The following DGCR2 variants were observed in gnomAD, a reference collection of about 807,000 sequenced individuals.
DGCR2 encodes integral membrane protein DGCR2/IDD.
DGCR2 carries 24 observed loss-of-function variants against 51.6 expected under a neutral mutation model. The ratio of observed to expected loss-of-function variants is 0.47; its 90% CI spans 0.34 to 0.65. The LOEUF (loss-of-function observed/expected upper bound fraction) is 0.65. Ranked by LOEUF, DGCR2 falls within the 30% of genes least tolerant of loss-of-function variation. The pLI is 0.01. For missense variants in DGCR2, 765 were observed against 772.1 expected, an observed-to-expected ratio of 0.99 and a Z score of 0.11; for synonymous variants, 340 against 315.4, an observed-to-expected ratio of 1.08 and a Z score of -0.82.
At chr22:19,073,812 A>T (rs1182617082) in intron 2 of DGCR2, among the ~76,000 whole-genome samples, 2 of 152,216 alleles carry the variant, frequency 1.3e-5, no homozygotes, top group East Asian at 3.8e-4. Context: ...TAAGTGGGGC[A>T]GTACTCGACT....
rs1431213436 is a variant in DGCR2 at position 19,063,260 on chromosome 22, C to T, written c.567G>A (p.Gln189=). 6.2e-7 allele frequency: 1 copy of T among 1,614,180 alleles called. No individual in the cohort carries two copies. Among genetic ancestry groups the T allele is most frequent in the Non-Finnish European group, 8.5e-7 (1 of 1,180,034 alleles). The change falls in exon 5 of 10, where the codon CAG becomes CAA. Residue 189 remains glutamine, a synonymous_variant. Transcript: ENST00000263196. ...KDQRKLWVGY[Q]YVITGRNRSL... is the part of the protein sequence containing the mutation. ...AGCGGTTCCGGCCAGTGATAACATACTGATAGCCAACCCACAACCTGCAGG... is the reference window on the plus strand; with the variant it reads ...AGCGGTTCCGGCCAGTGATAACATATTGATAGCCAACCCACAACCTGCAGG...
At chr22:19,068,895 A>G (rs138508087) in intron 2 of DGCR2, among the ~76,000 whole-genome samples, 140 of 152,360 alleles carry the variant, frequency 9.2e-4, no homozygotes, top group African/African-American at 3.1e-3. Flanking sequence ...ATCTAATAGT[A>G]ATTTGCACAC....
chr22:19,063,191 G>C lies in DGCR2; in HGVS notation c.625+11C>G, dbSNP rs202012311. On this transcript the variant is annotated intron_variant, in intron 5 of 9. Coordinates refer to ENST00000263196, the MANE Select transcript of DGCR2 (RefSeq NM_005137.3). ...CAGCTTCAAACACTCCCACACACCA[G>C]AAGGGCTCACCTTTGAATGCCACCT... 3.5e-3 allele frequency: 5,669 copies of C among 1,613,746 alleles called. 19 individuals are homozygous for C. The highest frequency in any genetic ancestry group is 4.1e-3 in the Non-Finnish European group (4,778 of 1,179,636).
intron 6 of DGCR2, chr22:19,056,496 C>A: frequency 1.9e-6 from 1 of 519,838 alleles, no homozygotes; most frequent in Non-Finnish European, 3.5e-6. Flanking sequence ...GGGACCTGCC[C>A]CACCAAGAGC....
At chr22:19,073,875 G>A (rs980449676) in intron 2 of DGCR2, among the ~76,000 whole-genome samples, 1 of 152,138 alleles carries the variant, frequency 6.6e-6, no homozygotes, top group South Asian at 2.1e-4. Context: ...AACACCAGAG[G>A]TTCCAACGCA....
intron 1 of DGCR2, among the ~76,000 whole-genome samples, chr22:19,113,917 G>A (rs2083344710): frequency 6.6e-6 from 1 of 151,858 alleles, no homozygotes; most frequent in Non-Finnish European, 1.5e-5. Flanking sequence ...AAATTAGCCG[G>A]GCATGGTGGC....
At chr22:19,099,318 G>A (rs776111556) in intron 1 of DGCR2, among the ~76,000 whole-genome samples, 3 of 152,194 alleles carry the variant, frequency 2.0e-5, no homozygotes, top group Non-Finnish European at 4.4e-5. Context: ...GGTGACTCAC[G>A]CCTGTTACCC....
chr22:19,039,896 GAGA>G lies in DGCR2; in HGVS notation c.1397-778_1397-776del, dbSNP rs202107570. 1.8e-4 allele frequency among the ~76,000 whole-genome samples: 26 copies of G among 145,720 alleles called. No homozygotes were observed. In the East Asian group the frequency reaches 3.6e-3, roughly 20 times the overall value. On this transcript the variant is annotated intron_variant, in intron 9 of 9. Transcript: ENST00000263196. Reference sequence around the variant, plus strand: ...CACGGCTAGTTCTGAATTTTTTGTGGAGAAGGAGGTCTCACAGGCTGGTCTCGA... The same window carrying G: ...CACGGCTAGTTCTGAATTTTTTGTGGAGGAGGTCTCACAGGCTGGTCTCGA...
intron 7 of DGCR2, among the ~76,000 whole-genome samples, chr22:19,044,508 C>T (rs967131844): frequency 2.6e-5 from 4 of 152,214 alleles, no homozygotes; most frequent in Admixed American, 2.6e-4. Flanking sequence ...CCAATGTGGG[C>T]TCTGTGCCTG....
At position 19,089,455 on chromosome 22, in the gene DGCR2, T is replaced by C; in HGVS notation, c.115A>G (p.Ser39Gly). 1 of 1,605,224 alleles carries C rather than the reference T, an allele frequency of 6.2e-7. No individual in the cohort carries two copies. The highest frequency in any genetic ancestry group is 1.3e-5 in the African/African-American group (1 of 74,720). The change falls in exon 2 of 10, where the codon AGC (serine) becomes GGC (glycine). Residue 39 changes from serine (S) to glycine (G), a missense_variant. Physicochemically the swap from Ser to Gly is moderately conservative, Grantham distance 56. Coordinates refer to ENST00000263196, the MANE Select transcript of DGCR2 (RefSeq NM_005137.3). ...RCNPGQFACR[S>G]GTIQCIPLPW... ...AGGGGGATGCACTGGATGGTGCCGC[T>C]GCGACACGCAAACTGCCCAGGGTTG...
intron 2 of DGCR2, among the ~76,000 whole-genome samples, chr22:19,077,642 T>C (rs1212193921): frequency 6.6e-6 from 1 of 152,192 alleles, no homozygotes; most frequent in East Asian, 1.9e-4. Context: ...TTTCTTCTTC[T>C]TTTTCAAGAC....
At chr22:19,116,056 T>C (rs2083370134) in intron 1 of DGCR2, among the ~76,000 whole-genome samples, 1 of 152,256 alleles carries the variant, frequency 6.6e-6, no homozygotes, top group South Asian at 2.1e-4. Context: ...ACGATGTCCA[T>C]GTTCCAAATG....
chr22:19,116,079 A>G (rs2083370436), intron 1 of DGCR2, among the ~76,000 whole-genome samples: 1 of 152,258 alleles, frequency 6.6e-6, no homozygotes, highest in African/African-American at 2.4e-5. Context: ...GAAACTGAAG[A>G]GTGAGCAGTA....
rs564705858 is a variant in DGCR2 at position 19,057,240 on chromosome 22, C to T, written c.626-78G>A. 12 of 1,407,998 alleles carry T rather than the reference C, an allele frequency of 8.5e-6. No homozygotes were observed. Among genetic ancestry groups the T allele is most frequent in the African/African-American group, 1.4e-5 (1 of 69,468 alleles). The allele number at this position is 1,407,998 out of a possible 1,614,324, so 87.2% of individuals were successfully genotyped here. A position where few individuals can be genotyped will look rare whatever the true frequency, so the allele number is the denominator to read the frequency against. On this transcript the variant is annotated intron_variant, in intron 5 of 9. Transcript: ENST00000263196. The surrounding 1 kb of genome is among the most constrained non-coding windows in gnomAD (Gnocchi z 5.1). Reference sequence around the variant, plus strand: ...TGTGCAGTCCTCAAGGGGACCATGGCGTCAGACAGGATCATCAACCACAGG... The same window carrying T: ...TGTGCAGTCCTCAAGGGGACCATGGTGTCAGACAGGATCATCAACCACAGG...
chr22:19,095,476 A>G (rs1203867055), intron 1 of DGCR2, among the ~76,000 whole-genome samples: 1 of 152,030 alleles, frequency 6.6e-6, no homozygotes, highest in Non-Finnish European at 1.5e-5. Flanking sequence ...CCTGGCTAAC[A>G]CGGTGAAACC....
chr22:19,059,778 C>T (rs952694863), intron 5 of DGCR2, among the ~76,000 whole-genome samples: 7 of 152,092 alleles, frequency 4.6e-5, no homozygotes, highest in South Asian at 2.1e-4. Flanking sequence ...GACTGATACA[C>T]GAGGGCATCT....
rs147741879 is a variant in DGCR2, at chr22:19,074,487, C to G, written c.203-6262G>C. 3.7e-3 allele frequency among the ~76,000 whole-genome samples: 554 copies of G among 151,768 alleles called. 7 individuals carry two copies. The highest frequency in any genetic ancestry group is 4.4e-3 in the Admixed American group (67 of 15,246). On this transcript the variant is annotated intron_variant, in intron 2 of 9. Coordinates refer to ENST00000263196, the MANE Select transcript of DGCR2 (RefSeq NM_005137.3). ...AACGGAGTGCTCCTGCATGGCCCAG[C>G]TAGGAGCAGCACTGAAAGCAGGCAA...
At chr22:19,072,725 T>C (rs1011753452) in intron 2 of DGCR2, among the ~76,000 whole-genome samples, 6 of 151,724 alleles carry the variant, frequency 4.0e-5, no homozygotes, top group Non-Finnish European at 8.8e-5. Flanking sequence ...ATGCAAAAAA[T>C]TAGCTGGGCG....
intron 4 of DGCR2, 68 bp from the exon 5 acceptor site, chr22:19,063,346 G>GT (rs1201544720): frequency 1.4e-6 from 2 of 1,463,024 alleles, no homozygotes; most frequent in Non-Finnish European, 1.9e-6. Context: ...ATGACTGTGT[G>GT]TTTTTTGTTT....
Sources: allele counts gnomAD v4.1 joint callset (sites outside exome capture counted in the v4.1 genomes callset), GRCh38; gene constraint gnomAD v4.1.1; non-coding constraint Gnocchi (gnomAD v3.1); transcripts MANE v1.5; gene names NCBI Gene and HGNC (gene_info 2026-07-23, HGNC 2026-07-21).